DOCK9: variants seen among roughly 807,000 people sequenced by gnomAD.
The protein encoded by DOCK9 is dedicator of cytokinesis 9.
DOCK9 carries 89 observed loss-of-function variants against 263.3 expected under a neutral mutation model. The ratio of observed to expected loss-of-function variants is 0.34; its 90% CI spans 0.28 to 0.40. The LOEUF is 0.40. Ranked by LOEUF, DOCK9 falls within the 10% of genes least tolerant of loss-of-function variation. The pLI is 1.00. For synonymous variants in DOCK9, 976 were observed against 973.1 expected, an observed-to-expected ratio of 1.00 and a Z score of -0.06; for missense variants, 2,140 against 2,603.4, an observed-to-expected ratio of 0.82 and a Z score of 3.87.
chr13:98,945,682 A>C (rs2056610201), intron 2 of DOCK9, among the ~76,000 whole-genome samples: 1 of 152,166 alleles, frequency 6.6e-6, no homozygotes, highest in South Asian at 2.1e-4. Flanking sequence ...AATTGTTTTC[A>C]CTGAAATCTT....
At chr13:98,885,279 G>T in intron 20 of DOCK9, 187 bp from the exon 21 acceptor site, 2 of 781,562 alleles carry the variant, frequency 2.6e-6, no homozygotes, top group Non-Finnish European at 3.9e-6. Context: ...CCTTTTCGGG[G>T]TTAGAATTCT....
chr13:99,052,632 G>T (rs2040747843), intron 1 of DOCK9, among the ~76,000 whole-genome samples: 1 of 152,070 alleles, frequency 6.6e-6, no homozygotes, highest in African/African-American at 2.4e-5. Context: ...GTCTCACTGT[G>T]TCACCCAGGC....
At chr13:98,805,515 T>C (rs1294316961) in intron 48 of DOCK9, among the ~76,000 whole-genome samples, 1 of 152,090 alleles carries the variant, frequency 6.6e-6, no homozygotes, top group Non-Finnish European at 1.5e-5. Flanking sequence ...CTCCTAAAAA[T>C]AAGGACATTT....
intron 38 of DOCK9, chr13:98,845,460 T>C (rs1187111709): frequency 1.0e-5 from 9 of 902,492 alleles, no homozygotes; most frequent in African/African-American, 8.8e-5. Flanking sequence ...TTCACAGTAG[T>C]GCAAGGATTA....
At chr13:98,955,578 A>G (rs749191039) in intron 1 of DOCK9, 27 bp from the exon 2 acceptor site, 2 of 1,454,484 alleles carry the variant, frequency 1.4e-6, no homozygotes, top group East Asian at 2.4e-5. Context: ...TAAGCAAGAC[A>G]TTCTCATACA....
In DOCK9 at chr13:98,820,649, T is replaced by C. The variant is rs74492121; in HGVS notation, c.5130+3749A>G. ...TGTGCTCTGCTATGAGGATCTGTGA[T>C]AAAGGATTAATTTTCTTAATTACTG... On this transcript the variant is annotated intron_variant, in intron 45 of 52. Coordinates refer to ENST00000682017, the MANE Select transcript of DOCK9 (RefSeq NM_001366683.2). The C allele has an allele frequency of 9.7e-3, 4,187 of 432,498 alleles. 159 individuals are homozygous for C. Among genetic ancestry groups the C allele is most frequent in the African/African-American group, 0.078 (3,803 of 48,530 alleles). 26.8% of individuals were successfully genotyped at this position (432,498 alleles called of 1,614,324 possible).
At chr13:98,874,552 C>G (rs957705962) in intron 27 of DOCK9, among the ~76,000 whole-genome samples, 8 of 152,192 alleles carry the variant, frequency 5.3e-5, no homozygotes, top group African/African-American at 1.9e-4. Flanking sequence ...TCTGAATAAT[C>G]TCCCTTACTC....
chr13:98,854,026 G>A (rs537992866), intron 34 of DOCK9, among the ~76,000 whole-genome samples: 2 of 152,196 alleles, frequency 1.3e-5, no homozygotes, highest in South Asian at 4.1e-4. Flanking sequence ...TGCATTATGG[G>A]GCGTGCTGTG....
intron 2 of DOCK9, among the ~76,000 whole-genome samples, chr13:98,938,346 G>A (rs1236253973): frequency 2.0e-5 from 3 of 152,170 alleles, no homozygotes; most frequent in African/African-American, 7.2e-5. Flanking sequence ...AGTCTTGGGG[G>A]ATATTTGAAC....
intron 1 of DOCK9, among the ~76,000 whole-genome samples, chr13:98,961,167 T>C (rs2058596249): frequency 6.6e-6 from 1 of 152,232 alleles, no homozygotes; most frequent in African/African-American, 2.4e-5. Flanking sequence ...TTTCTTCACT[T>C]TACTAAGGAA....
chr13:98,845,068 T>C (rs890631292), intron 38 of DOCK9, among the ~76,000 whole-genome samples: 5 of 152,212 alleles, frequency 3.3e-5, no homozygotes, highest in Non-Finnish European at 7.3e-5. Flanking sequence ...TCACGTGCTG[T>C]ATGGTTGATA....
intron 1 of DOCK9, among the ~76,000 whole-genome samples, chr13:99,042,208 G>A (rs1464326736): frequency 6.6e-6 from 1 of 152,202 alleles, no homozygotes; most frequent in African/African-American, 2.4e-5. Context: ...AAGTCTAACA[G>A]GTATTATCTC....
At chr13:98,898,732 A>G (rs554778285) in intron 13 of DOCK9, among the ~76,000 whole-genome samples, 57 of 152,344 alleles carry the variant, frequency 3.7e-4, no homozygotes, top group African/African-American at 1.3e-3. Context: ...AATATAAGGG[A>G]TAAGATATTA....
intron 7 of DOCK9, among the ~76,000 whole-genome samples, chr13:98,918,862 C>T (rs1392985604): frequency 6.6e-6 from 1 of 152,122 alleles, no homozygotes; most frequent in African/African-American, 2.4e-5. Flanking sequence ...GGAAGACAGG[C>T]CGAATGTCTA....
chr13:98,851,269 C>A (rs149900420), intron 35 of DOCK9, among the ~76,000 whole-genome samples: 1 of 152,178 alleles, frequency 6.6e-6, no homozygotes, highest in Non-Finnish European at 1.5e-5. Context: ...GGATTTAAAT[C>A]GCGTGCATCT....
At chr13:98,977,737 C>A in intron 1 of DOCK9, 47 bp downstream of exon 1, 2 of 1,593,932 alleles carry the variant, frequency 1.3e-6, no homozygotes, top group South Asian at 1.1e-5. Flanking sequence ...ACAATAAGAA[C>A]CCAGCATTGG....
chr13:99,027,534 G>A (rs1013326708), intron 1 of DOCK9, among the ~76,000 whole-genome samples: 8 of 152,140 alleles, frequency 5.3e-5, no homozygotes, highest in Middle Eastern at 6.8e-3. Context: ...TAAGGGAACC[G>A]CAAGGTCAAA....
In DOCK9 at chr13:98,881,630, A is replaced by G; in HGVS notation, c.2676-3T>C. ...GGGCAACCACATGAATAATGACCCT[A>G]CACACCACAGGAGTGAATAAAGCAA... On this transcript the variant is annotated splice_region_variant and splice_polypyrimidine_tract_variant and intron_variant, in intron 24 of 52. Transcript: ENST00000682017. 1 of 1,606,876 alleles carries G rather than the reference A, an allele frequency of 6.2e-7. No individual in the cohort carries two copies. The highest frequency in any genetic ancestry group is 8.5e-7 in the Non-Finnish European group (1 of 1,176,628).
chr13:98,843,420 G>GT (rs903024488), intron 38 of DOCK9, among the ~76,000 whole-genome samples: 1 of 152,168 alleles, frequency 6.6e-6, no homozygotes, highest in Non-Finnish European at 1.5e-5. Flanking sequence ...CCTTCTCTGT[G>GT]TTTTTTGTCT....
Sources: gnomAD v4.1 joint callset for allele counts (sites outside exome capture counted in the v4.1 genomes callset) on GRCh38, gnomAD v4.1.1 for gene constraint, MANE v1.5 for transcripts, NCBI Gene and HGNC (gene_info 2026-07-23, HGNC 2026-07-21) for gene names.